Variants in FCHSD2 observed in about 807,000 individuals in gnomAD.
FCHSD2 encodes the protein FCH and double SH3 domains 2.
A neutral mutation model predicts 108.1 loss-of-function variants in FCHSD2; 38 were observed. The observed-to-expected ratio is 0.35, with a 90% CI of 0.27 to 0.46. The LOEUF is 0.46. FCHSD2 is among the 20% of genes least tolerant of loss of function. The probability of loss-of-function intolerance (pLI) is 1.00; values close to 1 mark genes in which losing one functional copy is unlikely to be tolerated. For synonymous variants in FCHSD2, 279 were observed against 314.7 expected (o/e 0.89, Z 1.20); for missense variants, 751 against 897.8 (o/e 0.84, Z 2.09).
chr11:73,126,255 G>A lies in FCHSD2; in HGVS notation c.119+13776C>T, dbSNP rs542159670. ...CTTGGGAGGCTGAGGCAGGAGAATCGCTTGAACCTGGGAGGCAGAGGTTGC... is the reference window on the plus strand; with the variant it reads ...CTTGGGAGGCTGAGGCAGGAGAATCACTTGAACCTGGGAGGCAGAGGTTGC... On this transcript the variant is annotated intron_variant, in intron 2 of 19. Coordinates refer to ENST00000409418, the MANE Select transcript of FCHSD2 (RefSeq NM_014824.3). 7.0e-3 allele frequency among the ~76,000 whole-genome samples: 992 copies of A among 141,578 alleles called. 6 individuals carry two copies. The highest frequency in any genetic ancestry group is 0.011 in the Non-Finnish European group (737 of 66,038). The allele number at this position is 141,578 out of a possible 152,430, so 92.9% of individuals were successfully genotyped here. A position where few individuals can be genotyped will look rare whatever the true frequency, so the allele number is the denominator to read the frequency against.
chr11:72,838,791 T>A lies in FCHSD2; in HGVS notation c.2223A>T (p.Ter741CysextTer1), dbSNP rs1430315662. ...CAGTAATGGATGGGCAAGCCCATCA[T>A]CACACCAGTGTGATTTCCACATCTT... ...KIEDVEITLV[*>C] The change falls in exon 20 of 20, where the codon TGA becomes TGT. Residue 741 changes from the stop codon to cysteine (C), a stop_lost. Transcript: ENST00000409418. The A allele has an allele frequency of 1.3e-6, 2 of 1,598,782 alleles. No homozygotes were observed. The highest frequency in any genetic ancestry group is 1.7e-5 in the Admixed American group (1 of 57,558).
intron 2 of FCHSD2, among the ~76,000 whole-genome samples, chr11:73,127,225 G>A (rs1010450363): frequency 1.3e-5 from 2 of 152,142 alleles, no homozygotes; most frequent in African/African-American, 4.8e-5. Context: ...ATTAAATTGG[G>A]ATTATTTCCA....
intron 14 of FCHSD2, chr11:72,843,757 G>A (rs1411594688): frequency 1.9e-6 from 1 of 531,090 alleles, no homozygotes; most frequent in Non-Finnish European, 3.3e-6. Flanking sequence ...GAATCCTCAA[G>A]AGGCAATGAC....
intron 2 of FCHSD2, among the ~76,000 whole-genome samples, chr11:73,134,553 A>C (rs752759487): frequency 1.2e-4 from 19 of 152,312 alleles, no homozygotes; most frequent in Middle Eastern, 6.8e-3. Context: ...GTTCAGAGAA[A>C]GTAACATACA....
At chr11:73,017,723 T>C (rs1858005383) in intron 3 of FCHSD2, among the ~76,000 whole-genome samples, 1 of 152,220 alleles carries the variant, frequency 6.6e-6, no homozygotes, top group African/African-American at 2.4e-5. Flanking sequence ...TTGTTCATAA[T>C]GCTCCCATTG....
chr11:72,991,536 G>A (rs185622050), intron 5 of FCHSD2, among the ~76,000 whole-genome samples: 151 of 152,220 alleles, frequency 9.9e-4, no homozygotes, highest in African/African-American at 2.9e-3. Flanking sequence ...CTTCATCCCC[G>A]GGATGCAAGG....
intron 8 of FCHSD2, among the ~76,000 whole-genome samples, chr11:72,956,700 A>G (rs930155681): frequency 6.6e-6 from 1 of 152,104 alleles, no homozygotes; most frequent in Non-Finnish European, 1.5e-5. Flanking sequence ...TGCCCTCATG[A>G]CTTAATCAAA....
intron 3 of FCHSD2, among the ~76,000 whole-genome samples, chr11:73,043,305 G>C (rs532255997): frequency 6.6e-6 from 1 of 152,124 alleles, no homozygotes; most frequent in East Asian, 1.9e-4. Flanking sequence ...TCACTAAAAG[G>C]CTCGGTCAAG....
chr11:73,070,176 A>G (rs1359909640), intron 3 of FCHSD2, among the ~76,000 whole-genome samples: 1 of 152,222 alleles, frequency 6.6e-6, no homozygotes, highest in Non-Finnish European at 1.5e-5. Flanking sequence ...ATGGTCTATT[A>G]ATGACATGGA....
chr11:73,072,406 T>C (rs1859458700), intron 3 of FCHSD2, among the ~76,000 whole-genome samples: 1 of 152,098 alleles, frequency 6.6e-6, no homozygotes, highest in Admixed American at 6.5e-5. Flanking sequence ...AAAACTTAAT[T>C]AAATTTTTAA....
intron 9 of FCHSD2, among the ~76,000 whole-genome samples, chr11:72,903,365 C>T (rs1242516736): frequency 2.6e-5 from 4 of 152,132 alleles, no homozygotes; most frequent in Non-Finnish European, 2.9e-5. Context: ...TACAGGCGCC[C>T]GCCACTGCGC....
intron 3 of FCHSD2, among the ~76,000 whole-genome samples, chr11:73,039,021 AGT>A (rs1170285918): frequency 2.0e-5 from 3 of 152,110 alleles, no homozygotes; most frequent in African/African-American, 7.2e-5. Context: ...GTATCTTCCA[AGT>A]GTATCTCCTT....
At chr11:72,887,056 G>GA (rs1565306282) in intron 12 of FCHSD2, among the ~76,000 whole-genome samples, 2 of 151,532 alleles carry the variant, frequency 1.3e-5, no homozygotes, top group South Asian at 4.2e-4. Flanking sequence ...CCATATGGGG[G>GA]AGATTTCCTA....
At chr11:72,885,285 T>A (rs180829720) in intron 12 of FCHSD2, among the ~76,000 whole-genome samples, 209 of 152,322 alleles carry the variant, frequency 1.4e-3, no homozygotes, top group African/African-American at 4.8e-3. Flanking sequence ...CTACAGATAT[T>A]CAAAACTGAG....
At chr11:73,130,319 A>G (rs914791387) in intron 2 of FCHSD2, among the ~76,000 whole-genome samples, 1 of 152,216 alleles carries the variant, frequency 6.6e-6, no homozygotes, top group Non-Finnish European at 1.5e-5. Context: ...ACTCACAAGT[A>G]CTATCATAGC....
chr11:73,050,008 A>G (rs980049820), intron 3 of FCHSD2, among the ~76,000 whole-genome samples: 12 of 152,236 alleles, frequency 7.9e-5, no homozygotes, highest in African/African-American at 2.9e-4. Flanking sequence ...ACTGTCACTG[A>G]ATGAATTCAG....
chr11:73,047,033 T>C (rs982063664), intron 3 of FCHSD2, among the ~76,000 whole-genome samples: 15 of 152,134 alleles, frequency 9.9e-5, no homozygotes, highest in African/African-American at 3.6e-4. Flanking sequence ...GATATTTTTA[T>C]CAATGATAAA....
intron 12 of FCHSD2, among the ~76,000 whole-genome samples, chr11:72,870,899 C>CAAAAAAAA (rs55827213): frequency 1.3e-5 from 1 of 77,016 alleles, no homozygotes; most frequent in Non-Finnish European, 2.3e-5. Flanking sequence ...GACTCCGTCT[C>CAAAAAAAA]AAAAAAAAAA....
chr11:72,985,003 T>C, intron 7 of FCHSD2, 59 bp downstream of exon 7: 1 of 721,308 alleles, frequency 1.4e-6, no homozygotes, highest in Admixed American at 2.3e-5. Context: ...AAGATCCAAT[T>C]CTCTGTTTTA....
Sources: allele counts gnomAD v4.1 joint callset (sites outside exome capture counted in the v4.1 genomes callset), GRCh38; gene constraint gnomAD v4.1.1; transcripts MANE v1.5; gene names NCBI Gene and HGNC (gene_info 2026-07-23, HGNC 2026-07-21).